FBXL7: variants seen among roughly 807,000 people sequenced by gnomAD.
The protein encoded by FBXL7 is F-box and leucine rich repeat protein 7, also known as F-box/LRR-repeat protein 7.
A neutral mutation model predicts 38.3 loss-of-function variants in FBXL7; 12 were observed. The observed-to-expected ratio is 0.31, with a 90% confidence interval of 0.20 to 0.51. The LOEUF (loss-of-function observed/expected upper bound fraction) is 0.51, where lower values mean the gene tolerates loss of function less well. FBXL7 is among the 20% of genes least tolerant of loss of function. The probability of loss-of-function intolerance (pLI) is 0.98; values close to 1 mark genes in which losing one functional copy is unlikely to be tolerated. For synonymous variants in FBXL7, 297 were observed against 300.9 expected (o/e 0.99, Z 0.13); for missense variants, 567 against 676.4 (o/e 0.84, Z 1.79).
Position 15,936,313 on chromosome 5 carries a change from A to G in FBXL7, c.740-137A>G, listed in dbSNP as rs144246465. ...ACCCATTCTTGCATTTCCTCTCTATAGAGACCAAGACAGGAAAGGGTAACA... is the reference window on the plus strand; with the variant it reads ...ACCCATTCTTGCATTTCCTCTCTATGGAGACCAAGACAGGAAAGGGTAACA... On this transcript the variant is annotated intron_variant, in intron 3 of 3. Transcript: ENST00000504595. This position sits in a 1 kb window ranked among gnomAD's most constrained non-coding sequence, Gnocchi z 6.0. The G allele has an allele frequency of 6.1e-4, 603 of 984,968 alleles. 4 individuals carry two copies. The African/African-American group carries it at 8.9e-3, about 15-fold the overall frequency. The allele number at this position is 984,968 out of a possible 1,614,324, so 61.0% of individuals were successfully genotyped here. A position where few individuals can be genotyped will look rare whatever the true frequency, so the allele number is the denominator to read the frequency against.
At chr5:15,915,391 C>T (rs1252187472) in intron 2 of FBXL7, among the ~76,000 whole-genome samples, 2 of 152,176 alleles carry the variant, frequency 1.3e-5, no homozygotes, top group Non-Finnish European at 2.9e-5. Context: ...CTCCTGGAAG[C>T]CCCAGATGTT....
intron 2 of FBXL7, among the ~76,000 whole-genome samples, chr5:15,913,179 A>G (rs576147047): frequency 6.6e-6 from 1 of 152,022 alleles, no homozygotes; most frequent in Non-Finnish European, 1.5e-5. Context: ...AGTGCTTTAC[A>G]CAAAACTTTA....
At chr5:15,673,122 C>G (rs1742536795) in intron 2 of FBXL7, among the ~76,000 whole-genome samples, 1 of 151,994 alleles carries the variant, frequency 6.6e-6, no homozygotes, top group Non-Finnish European at 1.5e-5. Context: ...TTGAGACCAG[C>G]CTGGCCAACA....
At chr5:15,633,464 A>AC (rs1200767191) in intron 2 of FBXL7, among the ~76,000 whole-genome samples, 3 of 152,138 alleles carry the variant, frequency 2.0e-5, no homozygotes, top group African/African-American at 7.2e-5. Flanking sequence ...TAAAAAAATA[A>AC]CCAATCTAAA....
intron 2 of FBXL7, among the ~76,000 whole-genome samples, chr5:15,927,479 A>G (rs551071298): frequency 1.3e-5 from 2 of 152,282 alleles, no homozygotes; most frequent in East Asian, 1.9e-4. Flanking sequence ...TCTAAGAAAG[A>G]AACAGGTGCT....
chr5:15,725,120 AT>A (rs985785870), intron 2 of FBXL7, among the ~76,000 whole-genome samples: 1 of 151,572 alleles, frequency 6.6e-6, no homozygotes, highest in Non-Finnish European at 1.5e-5. Flanking sequence ...ATTTTCTAGT[AT>A]TTTTTCCATT....
intron 2 of FBXL7, among the ~76,000 whole-genome samples, chr5:15,617,392 A>G (rs958600530): frequency 6.6e-6 from 1 of 152,042 alleles, no homozygotes; most frequent in Non-Finnish European, 1.5e-5. Context: ...CAGTTAAGGT[A>G]ATGTACAAAT....
In FBXL7 at chr5:15,687,787, T is replaced by C. The variant is rs528707661; in HGVS notation, c.127+71715T>C. 4.5e-4 allele frequency among the ~76,000 whole-genome samples: 68 copies of C among 152,334 alleles called. 2 individuals carry two copies. The South Asian group carries it at 0.013, about 30-fold the overall frequency. The stretch of plus-strand genomic sequence containing the variant: ...GATCAGTAGTTATTTGGGTCTCAAG[T>C]CTAGCACCCGTGTCTATGTAAATAG... On this transcript the variant is annotated intron_variant, in intron 2 of 3. Coordinates refer to ENST00000504595, the MANE Select transcript of FBXL7 (RefSeq NM_012304.5).
chr5:15,889,434 T>C (rs1182268629), intron 2 of FBXL7, among the ~76,000 whole-genome samples: 2 of 152,186 alleles, frequency 1.3e-5, no homozygotes. Flanking sequence ...GCAGAGATTT[T>C]CCTATTGAAC....
chr5:15,616,867 G>A (rs1216825809), intron 2 of FBXL7, among the ~76,000 whole-genome samples: 2 of 152,286 alleles, frequency 1.3e-5, no homozygotes, highest in African/African-American at 4.8e-5. Flanking sequence ...TTTAAACATC[G>A]ACGCCATTGA....
chr5:15,892,962 A>T (rs925843262), intron 2 of FBXL7, among the ~76,000 whole-genome samples: 3 of 152,084 alleles, frequency 2.0e-5, no homozygotes, highest in Non-Finnish European at 1.5e-5. Flanking sequence ...CTAAAAATAC[A>T]AAAATTAGCT....
intron 2 of FBXL7, among the ~76,000 whole-genome samples, chr5:15,703,836 G>GA (rs757767973): frequency 6.6e-5 from 10 of 152,188 alleles, no homozygotes; most frequent in Admixed American, 2.0e-4. Context: ...TACTTTAGCT[G>GA]AAAAAGCACA....
intron 2 of FBXL7, among the ~76,000 whole-genome samples, chr5:15,765,264 G>C (rs547835630): frequency 6.6e-6 from 1 of 152,100 alleles, no homozygotes; most frequent in East Asian, 1.9e-4. Flanking sequence ...TTATGATCTT[G>C]GTACTGAGAC....
At chr5:15,576,072 C>CTTTTTTTT (rs35832237) in intron 1 of FBXL7, among the ~76,000 whole-genome samples, 5 of 74,286 alleles carry the variant, frequency 6.7e-5, no homozygotes, top group Admixed American at 1.8e-4. Flanking sequence ...GAATCTCATT[C>CTTTTTTTT]TTTTTTTTTT....
intron 2 of FBXL7, among the ~76,000 whole-genome samples, chr5:15,816,714 G>C (rs1202459532): frequency 6.6e-6 from 1 of 152,106 alleles, no homozygotes; most frequent in Non-Finnish European, 1.5e-5. Flanking sequence ...CTACTACTCT[G>C]TTCTGTTCTT....
chr5:15,768,531 A>G (rs1439651330), intron 2 of FBXL7, among the ~76,000 whole-genome samples: 2 of 109,750 alleles, frequency 1.8e-5, no homozygotes, highest in Non-Finnish European at 4.1e-5. Flanking sequence ...ACTCTGTCTC[A>G]AAAAAAAAAA....
chr5:15,876,948 G>C (rs1293536827), intron 2 of FBXL7, among the ~76,000 whole-genome samples: 1 of 152,056 alleles, frequency 6.6e-6, no homozygotes, highest in Non-Finnish European at 1.5e-5. Context: ...TCTAAACCTG[G>C]GTTCATTCCT....
At chr5:15,556,281 C>T (rs1212636338) in intron 1 of FBXL7, among the ~76,000 whole-genome samples, 2 of 151,992 alleles carry the variant, frequency 1.3e-5, no homozygotes, top group Non-Finnish European at 2.9e-5. Context: ...TGGTGTAACT[C>T]CCAGTCCAAG....
At chr5:15,926,421 A>G (rs1381034414) in intron 2 of FBXL7, among the ~76,000 whole-genome samples, 3 of 148,490 alleles carry the variant, frequency 2.0e-5, no homozygotes, top group Non-Finnish European at 3.0e-5. Context: ...TATTGGATCT[A>G]ATAATACATA....
Sources: allele counts gnomAD v4.1 joint callset (sites outside exome capture counted in the v4.1 genomes callset), GRCh38; gene constraint gnomAD v4.1.1; non-coding constraint Gnocchi (gnomAD v3.1); transcripts MANE v1.5; gene names NCBI Gene and HGNC (gene_info 2026-07-23, HGNC 2026-07-21).